TIAM1: variants seen among roughly 807,000 people sequenced by gnomAD.
The protein encoded by TIAM1 is rho guanine nucleotide exchange factor TIAM1.
Under a neutral mutation model 163.5 loss-of-function variants are expected in TIAM1, and 65 were observed. That is an observed-to-expected ratio of 0.40 (90% CI 0.33 to 0.49). TIAM1 has a LOEUF of 0.49. Among genes scored for constraint, TIAM1 ranks in the 20% least tolerant of loss-of-function variants. TIAM1 has a pLI of 0.77. For synonymous variants in TIAM1, 833 were observed against 810.1 expected, an observed-to-expected ratio of 1.03 and a Z score of -0.48; for missense variants, 1,789 against 2,044.7, an observed-to-expected ratio of 0.87 and a Z score of 2.41.
Position 31,210,113 on chromosome 21 carries a change from T to A in TIAM1, c.2320A>T (p.Asn774Tyr), listed in dbSNP as rs1277709883. 1 of 1,614,020 alleles carries A rather than the reference T, an allele frequency of 6.2e-7. No individual in the cohort carries two copies. The highest frequency in any genetic ancestry group is 2.2e-5 in the East Asian group (1 of 44,882). Residue 774 changes from asparagine (N) to tyrosine (Y), a missense_variant, in exon 11 of 28, where the codon AAT becomes TAT. Physicochemically the swap from Asn to Tyr is moderately radical, Grantham distance 143 (BLOSUM62 -2). Coordinates refer to ENST00000541036, the MANE Select transcript of TIAM1 (RefSeq NM_001353694.2). ...FTPSWFCLPN[N>Y]QPALTVVRPG... Reference sequence around the variant, plus strand: ...CGGACGACCGTCAGGGCAGGCTGATTATTGGGCAGACAGAACCAGGATGGA... The same window carrying A: ...CGGACGACCGTCAGGGCAGGCTGATAATTGGGCAGACAGAACCAGGATGGA...
intron 1 of TIAM1, among the ~76,000 whole-genome samples, chr21:31,485,456 A>G (rs1207365416): frequency 6.6e-6 from 1 of 152,346 alleles, no homozygotes; most frequent in African/African-American, 2.4e-5. Flanking sequence ...CAAAAAAATG[A>G]AAACATTTAA....
At position 31,152,668 on chromosome 21, in the gene TIAM1, A is replaced by G. The variant is rs776359882; in HGVS notation, c.3334T>C (p.Leu1112=). Residue 1112 remains leucine, a synonymous_variant, in exon 19 of 28, where the codon TTG becomes CTG. Transcript: ENST00000541036. ...LEDGVRLVPD[L]EKLEKVDQFK... ...TGATCAACCTTCTCAAGCTTTTCCA[A>G]ATCAGGTACCAGTCTCACTCCATCT... 1.7e-5 allele frequency: 28 copies of G among 1,614,068 alleles called. 1 individual carries two copies. In the South Asian group the frequency reaches 2.0e-4, roughly 11 times the overall value.
At chr21:31,162,263 CTAAGA>C (rs1396767102) in intron 16 of TIAM1, among the ~76,000 whole-genome samples, 1 of 152,034 alleles carries the variant, frequency 6.6e-6, no homozygotes, top group Admixed American at 6.6e-5. Context: ...TGTTGTGAGG[CTAAGA>C]TGAGTTAATA....
At chr21:31,221,550 G>C (rs2087561737) in intron 8 of TIAM1, among the ~76,000 whole-genome samples, 1 of 152,228 alleles carries the variant, frequency 6.6e-6, no homozygotes, top group East Asian at 1.9e-4. Context: ...AATTATGGAA[G>C]AGTAAAACGG....
At chr21:31,197,539 C>CTTTTTTTTTT (rs58141765) in intron 12 of TIAM1, among the ~76,000 whole-genome samples, 8,061 of 122,204 alleles carry the variant, frequency 0.066, 390 homozygotes, top group Admixed American at 0.14. Flanking sequence ...CCGCGCCCGG[C>CTTTTTTTTTT]TTTTTTTTTT....
rs142741637 is a variant in TIAM1 at position 31,479,430 on chromosome 21, C to T, written c.-421-15395G>A. Reference sequence around the variant, plus strand: ...AGGGGCGGGCGGATGGACGGACGGACGGATGAATGGAAGGATGGATGGATA... The same window carrying T: ...AGGGGCGGGCGGATGGACGGACGGATGGATGAATGGAAGGATGGATGGATA... On this transcript the variant is annotated intron_variant, in intron 1 of 28. Coordinates refer to the TIAM1 transcript ENST00000286827. 7.8e-4 allele frequency among the ~76,000 whole-genome samples: 115 copies of T among 146,882 alleles called. 1 individual carries two copies. Among genetic ancestry groups the T allele is most frequent in the African/African-American group, 2.4e-3 (94 of 39,764 alleles).
intron 2 of TIAM1, among the ~76,000 whole-genome samples, chr21:31,453,784 T>A (rs1044836403): frequency 9.3e-6 from 1 of 107,904 alleles, no homozygotes; most frequent in African/African-American, 3.7e-5. Context: ...TACATTTCCA[T>A]GGGTTAAAAA....
chr21:31,442,849 G>A (rs2044485667), intron 2 of TIAM1, among the ~76,000 whole-genome samples: 1 of 152,170 alleles, frequency 6.6e-6, no homozygotes, highest in South Asian at 2.1e-4. Context: ...TTAAGATTTA[G>A]AAAGAAAAAT....
In TIAM1 at chr21:31,485,211, C is replaced by T. The variant is rs559747749; in HGVS notation, c.-421-21176G>A. 3.5e-4 allele frequency among the ~76,000 whole-genome samples: 54 copies of T among 152,220 alleles called. 1 individual carries two copies. Among genetic ancestry groups the T allele is most frequent in the Admixed American group, 3.0e-3 (46 of 15,290 alleles). On this transcript the variant is annotated intron_variant, in intron 1 of 28. Transcript: ENST00000286827. ...ACTGAAGAGCAAGTGTAGAGCAACA[C>T]GCTGCCTTCCCACAAACCAGGGCAT...
Position 31,141,254 on chromosome 21 carries a change from G to A in TIAM1, c.3656-18C>T. ...GATGGCCACTGGAAGAAAACAGGTT[G>A]TGAAATGAGAGGCTATTTAGAGACC... On this transcript the variant is annotated intron_variant, in intron 21 of 27. Transcript: ENST00000541036. The surrounding 1 kb of genome is among the most constrained non-coding windows in gnomAD (Gnocchi z 4.7). 1 of 1,613,996 alleles carries A rather than the reference G, an allele frequency of 6.2e-7. No homozygotes were observed. The highest frequency in any genetic ancestry group is 1.7e-5 in the Admixed American group (1 of 60,006).
In TIAM1 at chr21:31,130,870, G is replaced by A. The variant is rs1029073520; in HGVS notation, c.3942+20C>T. 1 of 1,609,520 alleles carries A rather than the reference G, an allele frequency of 6.2e-7. No individual in the cohort carries two copies. Among genetic ancestry groups the A allele is most frequent in the South Asian group, 1.1e-5 (1 of 90,974 alleles). On this transcript the variant is annotated intron_variant, in intron 24 of 27. Transcript: ENST00000541036. ...ATAGAGAAATAGTTTCAAACCATGG[G>A]GTAACATAAGATGTCTTACAAGTTT...
intron 13 of TIAM1, among the ~76,000 whole-genome samples, chr21:31,191,050 T>C (rs539209995): frequency 6.6e-6 from 1 of 152,336 alleles, no homozygotes; most frequent in Admixed American, 6.5e-5. Context: ...ACTGGGGGAA[T>C]GTTTCACCTC....
chr21:31,357,161 A>C (rs1176138821), intron 2 of TIAM1, among the ~76,000 whole-genome samples: 1 of 152,142 alleles, frequency 6.6e-6, no homozygotes, highest in Non-Finnish European at 1.5e-5. Flanking sequence ...AAACAGAAGA[A>C]AGCATGCAAA....
chr21:31,443,356 C>T (rs531960381), intron 2 of TIAM1, among the ~76,000 whole-genome samples: 46 of 152,198 alleles, frequency 3.0e-4, no homozygotes, highest in Admixed American at 7.2e-4. Context: ...AAGACAATTA[C>T]AGTAGAGATG....
intron 16 of TIAM1, among the ~76,000 whole-genome samples, chr21:31,159,314 C>G (rs1166770016): frequency 6.6e-6 from 1 of 152,070 alleles, no homozygotes; most frequent in African/African-American, 2.4e-5. Flanking sequence ...TGCTGCTTTC[C>G]TCCTGTGGAA....
At chr21:31,144,848 A>AAAAAAG (rs2083035908) in intron 20 of TIAM1, among the ~76,000 whole-genome samples, 2 of 147,902 alleles carry the variant, frequency 1.4e-5, no homozygotes, top group African/African-American at 5.2e-5. Flanking sequence ...AAAAAAAAAA[A>AAAAAAG]AAAAGAAAAG....
chr21:31,405,777 G>A (rs1052813799), intron 2 of TIAM1, among the ~76,000 whole-genome samples: 11 of 152,060 alleles, frequency 7.2e-5, no homozygotes, highest in Non-Finnish European at 1.6e-4. Flanking sequence ...CACAACACAT[G>A]GGAATTATGG....
chr21:31,526,760 G>C (rs2047800353), intron 1 of TIAM1, among the ~76,000 whole-genome samples: 1 of 152,040 alleles, frequency 6.6e-6, no homozygotes, highest in Non-Finnish European at 1.5e-5. Context: ...GGAGTAGAGG[G>C]GCATGATCTC....
rs1325692762 is a variant in TIAM1 at position 31,507,240 on chromosome 21, C to CT, written c.-421-43206dup. On this transcript the variant is annotated intron_variant, in intron 1 of 28. Coordinates refer to the TIAM1 transcript ENST00000286827. ...TTTTTTTTTGAGACAGAGTCTTTCT[C>CT]TGTCGCCCAGGATGGAGTGCAGTGC... 4.9e-5 allele frequency among the ~76,000 whole-genome samples: 5 copies of CT among 103,024 alleles called. No individual in the cohort carries two copies. The Admixed American group carries it at 7.3e-4, about 15-fold the overall frequency. 67.6% of individuals were successfully genotyped at this position (103,024 alleles called of 152,430 possible).
Sources: gnomAD v4.1 joint callset for allele counts (sites outside exome capture counted in the v4.1 genomes callset) on GRCh38, gnomAD v4.1.1 for gene constraint, Gnocchi (gnomAD v3.1) non-coding constraint, MANE v1.5 for transcripts, NCBI Gene and HGNC (gene_info 2026-07-23, HGNC 2026-07-21) for gene names.